ADGRB3: variants seen among roughly 807,000 people sequenced by gnomAD.
ADGRB3 encodes the protein brain-specific angiogenesis inhibitor 3.
A neutral mutation model predicts 193.4 loss-of-function variants in ADGRB3; 37 were observed. The observed-to-expected ratio is 0.19, with a 90% confidence interval of 0.15 to 0.25. The LOEUF (loss-of-function observed/expected upper bound fraction) is 0.25. Among genes scored for constraint, ADGRB3 ranks in the 10% least tolerant of loss-of-function variants. ADGRB3 has a pLI of 1.00. For synonymous variants in ADGRB3, 690 were observed against 644.2 expected, an observed-to-expected ratio of 1.07 and a Z score of -1.08; for missense variants, 1,637 against 1,852.9, an observed-to-expected ratio of 0.88 and a Z score of 2.14.
intron 3 of ADGRB3, among the ~76,000 whole-genome samples, chr6:68,890,712 G>C (rs547343533): frequency 1.8e-4 from 27 of 152,112 alleles, no homozygotes; most frequent in Admixed American, 1.4e-3. Context: ...AAAAGGAAGA[G>C]GCAGAGAGAG....
intron 3 of ADGRB3, among the ~76,000 whole-genome samples, chr6:68,725,975 C>T (rs1765666662): frequency 6.6e-6 from 1 of 151,396 alleles, no homozygotes; most frequent in Non-Finnish European, 1.5e-5. Context: ...TCCAATTTTG[C>T]AGAACATAAA....
intron 3 of ADGRB3, among the ~76,000 whole-genome samples, chr6:68,891,220 C>T (rs183422291): frequency 1.3e-5 from 2 of 152,224 alleles, no homozygotes; most frequent in African/African-American, 4.8e-5. Flanking sequence ...AGCCCAGTCT[C>T]CATGATTCAG....
intron 3 of ADGRB3, among the ~76,000 whole-genome samples, chr6:68,796,269 AT>A (rs1222389963): frequency 2.0e-5 from 3 of 151,972 alleles, no homozygotes; most frequent in Non-Finnish European, 2.9e-5. Flanking sequence ...TTATCAACAT[AT>A]TTTTTTATAT....
intron 17 of ADGRB3, among the ~76,000 whole-genome samples, chr6:69,174,027 T>G (rs1250905078): frequency 6.6e-6 from 1 of 151,936 alleles, no homozygotes. Context: ...TGCTGTAAAG[T>G]AGTAAAACCC....
intron 3 of ADGRB3, among the ~76,000 whole-genome samples, chr6:68,772,620 C>T (rs1746313963): frequency 6.6e-6 from 1 of 151,772 alleles, no homozygotes; most frequent in African/African-American, 2.4e-5. Context: ...TGAGAAAAGT[C>T]AAGACATTTG....
At chr6:69,128,100 G>C (rs1224115587) in intron 17 of ADGRB3, among the ~76,000 whole-genome samples, 1 of 152,108 alleles carries the variant, frequency 6.6e-6, no homozygotes, top group Non-Finnish European at 1.5e-5. Flanking sequence ...TTTGCAGTGA[G>C]AAATTGTAGA....
At chr6:69,362,867 A>G (rs1022058833) in intron 29 of ADGRB3, among the ~76,000 whole-genome samples, 2 of 152,008 alleles carry the variant, frequency 1.3e-5, no homozygotes, top group African/African-American at 4.8e-5. Context: ...AAACTACAAA[A>G]TATTTATGCA....
rs1041756567 is a variant in ADGRB3 at position 68,936,595 on chromosome 6, C to T, written c.945C>T (p.Thr315=). The change falls in exon 5 of 32, where the codon ACC becomes ACT. Residue 315 remains threonine (T), a synonymous_variant. Transcript: ENST00000370598. ...GTGGTCAAGGGTCGCAGGTGCGAAC[C>T]AGAACTTGTGTATCACCTTACGGGA... ...VTCGQGSQVR[T]RTCVSPYGTH... 6.2e-7 allele frequency: 1 copy of T among 1,613,850 alleles called. No homozygotes were observed. The highest frequency in any genetic ancestry group is 8.5e-7 in the Non-Finnish European group (1 of 1,179,982).
chr6:69,333,936 CAAAA>C (rs1768783098), intron 24 of ADGRB3, among the ~76,000 whole-genome samples: 1 of 110,458 alleles, frequency 9.1e-6, no homozygotes, highest in Non-Finnish European at 1.9e-5. Context: ...TCTCAAAAAA[CAAAA>C]TAAAATAAAA....
At chr6:68,872,756 A>C (rs375074835) in intron 3 of ADGRB3, among the ~76,000 whole-genome samples, 2 of 152,264 alleles carry the variant, frequency 1.3e-5, no homozygotes, top group African/African-American at 4.8e-5. Flanking sequence ...CTTTGCCTTT[A>C]AATGTAACCC....
Position 69,262,066 on chromosome 6 carries a change from T to C in ADGRB3, c.2814+22840T>C, listed in dbSNP as rs574530560. On this transcript the variant is annotated intron_variant, in intron 20 of 31. Transcript: ENST00000370598. ...GAGAGAAAGGCATCTTAATGTATCA[T>C]AAAGGACAGAAAATAGTCATCCCTA... 2.0e-5 allele frequency among the ~76,000 whole-genome samples: 3 copies of C among 152,166 alleles called. No individual in the cohort carries two copies. The South Asian group carries it at 6.2e-4, about 32-fold the overall frequency.
At chr6:68,738,385 A>G (rs185568816) in intron 3 of ADGRB3, among the ~76,000 whole-genome samples, 4 of 152,242 alleles carry the variant, frequency 2.6e-5, no homozygotes, top group African/African-American at 9.6e-5. Context: ...ATTATCTGAC[A>G]TACATTTTAA....
chr6:68,687,740 C>T (rs1284184479), intron 3 of ADGRB3, among the ~76,000 whole-genome samples: 1 of 152,050 alleles, frequency 6.6e-6, no homozygotes, highest in Non-Finnish European at 1.5e-5. Context: ...AGAAATGTAA[C>T]TCACACAGAT....
At chr6:69,066,671 C>G (rs1214833199) in intron 16 of ADGRB3, among the ~76,000 whole-genome samples, 2 of 152,064 alleles carry the variant, frequency 1.3e-5, no homozygotes, top group East Asian at 1.9e-4. Context: ...GCTTCATTGT[C>G]ATGACCTATA....
intron 11 of ADGRB3, among the ~76,000 whole-genome samples, chr6:68,997,598 A>C (rs1210613977): frequency 2.7e-5 from 4 of 150,922 alleles, no homozygotes; most frequent in Non-Finnish European, 4.4e-5. Context: ...GGTCTCAGTG[A>C]GCTGAGATCA....
Position 69,002,003 on chromosome 6 carries a change from T to C in ADGRB3, c.1929+8041T>C, listed in dbSNP as rs576364274. ...TTAATCATGACCTTGAAACAGGTCA[T>C]TACTCAACATTGGAAAGCTACTTGT... On this transcript the variant is annotated intron_variant, in intron 11 of 31. Coordinates refer to ENST00000370598, the MANE Select transcript of ADGRB3 (RefSeq NM_001704.3). Among the ~76,000 whole-genome samples the C allele has an allele frequency of 3.4e-4, 52 of 152,338 alleles. No homozygotes were observed. The South Asian group carries it at 9.9e-3, about 29-fold the overall frequency.
intron 17 of ADGRB3, among the ~76,000 whole-genome samples, chr6:69,211,702 A>G (rs1765672172): frequency 6.6e-6 from 1 of 152,112 alleles, no homozygotes; most frequent in Non-Finnish European, 1.5e-5. Flanking sequence ...ATGGCCAGAG[A>G]CTTTTACAGC....
chr6:69,381,865 A>T (rs1312495605), intron 30 of ADGRB3, among the ~76,000 whole-genome samples: 1 of 151,984 alleles, frequency 6.6e-6, no homozygotes, highest in Non-Finnish European at 1.5e-5. Flanking sequence ...AAAATCTTAC[A>T]CAAATATGAA....
intron 17 of ADGRB3, among the ~76,000 whole-genome samples, chr6:69,116,747 C>A (rs1773543549): frequency 1.3e-5 from 2 of 152,326 alleles, no homozygotes; most frequent in Admixed American, 1.3e-4. Context: ...CGGAATAAAA[C>A]TTTTATTAGC....
Sources: allele counts gnomAD v4.1 joint callset (sites outside exome capture counted in the v4.1 genomes callset), GRCh38; gene constraint gnomAD v4.1.1; transcripts MANE v1.5; gene names NCBI Gene and HGNC (gene_info 2026-07-23, HGNC 2026-07-21).